Variants in PROS1 observed in about 807,000 individuals in gnomAD.
PROS1 encodes vitamin K-dependent protein S.
Under a neutral mutation model 75.9 loss-of-function variants are expected in PROS1, and 29 were observed. That is an observed-to-expected ratio of 0.38 (90% CI 0.28 to 0.52). PROS1 has a LOEUF of 0.52. Among genes scored for constraint, PROS1 ranks in the 20% least tolerant of loss-of-function variants. The probability of loss-of-function intolerance (pLI) is 0.83; values close to 1 mark genes in which losing one functional copy is unlikely to be tolerated. For missense variants in PROS1, 680 were observed against 810.3 expected, an observed-to-expected ratio of 0.84 and a Z score of 1.95; for synonymous variants, 245 against 280.6, an observed-to-expected ratio of 0.87 and a Z score of 1.27.
chr3:93,950,720 C>A (rs1382889113), intron 1 of PROS1, among the ~76,000 whole-genome samples: 2 of 152,194 alleles, frequency 1.3e-5, no homozygotes, highest in African/African-American at 2.4e-5. Flanking sequence ...GATAAAACCA[C>A]AAAGATCGGG....
chr3:93,951,194 T>C (rs1709489493), intron 1 of PROS1, among the ~76,000 whole-genome samples: 1 of 152,062 alleles, frequency 6.6e-6, no homozygotes, highest in African/African-American at 2.4e-5. Context: ...CAGGAGAAAT[T>C]CCCCAACCTA....
At chr3:93,951,454 G>C (rs760620014) in intron 1 of PROS1, among the ~76,000 whole-genome samples, 40 of 152,136 alleles carry the variant, frequency 2.6e-4, no homozygotes, top group Non-Finnish European at 4.1e-4. Context: ...CATTCTTAAA[G>C]AAAAGAATTT....
intron 4 of PROS1, among the ~76,000 whole-genome samples, chr3:93,907,658 G>T (rs987360597): frequency 1.3e-5 from 2 of 152,170 alleles, no homozygotes; most frequent in African/African-American, 2.4e-5. Context: ...CTTCATGGAT[G>T]CAGGACAAGA....
At chr3:93,878,460 T>G (rs1229636833) in intron 13 of PROS1, among the ~76,000 whole-genome samples, 1 of 152,210 alleles carries the variant, frequency 6.6e-6, no homozygotes, top group African/African-American at 2.4e-5. Context: ...ACTGAAAGCA[T>G]CCAAGTCAGC....
intron 1 of PROS1, chr3:93,968,078 G>C (rs1709816969): frequency 6.6e-6 from 1 of 152,072 alleles, no homozygotes; most frequent in South Asian, 2.1e-4. Flanking sequence ...CCAGAATAAA[G>C]GGAAAAAGGA....
At chr3:93,967,687 A>G (rs776292666) in intron 1 of PROS1, among the ~76,000 whole-genome samples, 13 of 152,168 alleles carry the variant, frequency 8.5e-5, no homozygotes, top group South Asian at 2.1e-4. Flanking sequence ...GGAGTTTAAG[A>G]TCAGCCTGGG....
At chr3:93,945,570 C>G (rs193088638) in intron 1 of PROS1, among the ~76,000 whole-genome samples, 1 of 152,322 alleles carries the variant, frequency 6.6e-6, no homozygotes, top group East Asian at 1.9e-4. Context: ...ACATGATTAT[C>G]TCAATAGATG....
chr3:93,953,696 T>C (rs1709545608), intron 1 of PROS1, among the ~76,000 whole-genome samples: 1 of 152,176 alleles, frequency 6.6e-6, no homozygotes, highest in South Asian at 2.1e-4. Flanking sequence ...TCACCACTTG[T>C]ATTCAAAATA....
At chr3:93,939,926 G>A (rs112679976) in intron 1 of PROS1, among the ~76,000 whole-genome samples, 298 of 148,428 alleles carry the variant, frequency 2.0e-3, no homozygotes, top group African/African-American at 6.9e-3. Context: ...AGTTAGAGGC[G>A]GCCAAGTAGC....
chr3:93,876,034 T>C (rs1046906730), intron 14 of PROS1, among the ~76,000 whole-genome samples: 6 of 152,232 alleles, frequency 3.9e-5, no homozygotes, highest in African/African-American at 2.4e-5. Context: ...TCATGCCAGA[T>C]ACCTAAAAGT....
At chr3:93,881,115 G>C (rs1708270196) in intron 12 of PROS1, among the ~76,000 whole-genome samples, 1 of 151,990 alleles carries the variant, frequency 6.6e-6, no homozygotes, top group Non-Finnish European at 1.5e-5. Context: ...TTGAGTTAAG[G>C]AATTTGAAAA....
intron 7 of PROS1, among the ~76,000 whole-genome samples, chr3:93,898,938 C>T (rs185861086): frequency 2.6e-4 from 40 of 151,288 alleles, no homozygotes; most frequent in Admixed American, 1.3e-3. Context: ...CAATTCATTG[C>T]TTTGAAAAAA....
At chr3:93,934,883 C>A (rs1206898977) in intron 1 of PROS1, among the ~76,000 whole-genome samples, 1 of 151,900 alleles carries the variant, frequency 6.6e-6, no homozygotes, top group Non-Finnish European at 1.5e-5. Flanking sequence ...TGAAACGGAC[C>A]TCTCCTTACA....
At chr3:93,939,212 G>A (rs575960190) in intron 1 of PROS1, among the ~76,000 whole-genome samples, 115 of 152,250 alleles carry the variant, frequency 7.6e-4, no homozygotes, top group African/African-American at 2.7e-3. Context: ...GATCTAGATA[G>A]TTCTTGTCAT....
At chr3:93,906,261 C>T (rs1708674331) in intron 4 of PROS1, 118 bp from the exon 5 acceptor site, 1 of 1,077,554 alleles carries the variant, frequency 9.3e-7, no homozygotes. Flanking sequence ...CACACAACTC[C>T]TTTCTTTAAA....
rs550348463 is a variant in PROS1, at chr3:93,899,112, A to T, written c.728-543T>A. ...AGAACATTGGAACACTCATAATGCG[A>T]TAATTAATGTTGGCAGTGAATTTAG... On this transcript the variant is annotated intron_variant, in intron 7 of 14. Transcript: ENST00000394236. Among the ~76,000 whole-genome samples, 4 of 152,070 alleles carry T rather than the reference A, an allele frequency of 2.6e-5. No individual in the cohort carries two copies. The East Asian group carries it at 7.7e-4, about 29-fold the overall frequency.
chr3:93,937,633 C>T (rs910178921), intron 1 of PROS1, among the ~76,000 whole-genome samples: 3 of 152,086 alleles, frequency 2.0e-5, no homozygotes, highest in African/African-American at 7.2e-5. Context: ...TCCCAAAGTA[C>T]TGGGATTACA....
chr3:93,913,227 G>A (rs1419912508), intron 3 of PROS1, among the ~76,000 whole-genome samples: 3 of 151,926 alleles, frequency 2.0e-5, no homozygotes, highest in Admixed American at 6.6e-5. Flanking sequence ...AAGATGCCTT[G>A]CTTCCTGATA....
At chr3:93,878,830 A>G (rs1266446749) in intron 13 of PROS1, among the ~76,000 whole-genome samples, 4 of 152,200 alleles carry the variant, frequency 2.6e-5, no homozygotes, top group Non-Finnish European at 5.9e-5. Flanking sequence ...CACAACACAT[A>G]AAGTATTCTT....
Sources: gnomAD v4.1 joint callset for allele counts (sites outside exome capture counted in the v4.1 genomes callset) on GRCh38, gnomAD v4.1.1 for gene constraint, MANE v1.5 for transcripts, NCBI Gene and HGNC (gene_info 2026-07-23, HGNC 2026-07-21) for gene names.